Variants in SLC35A3 observed in about 807,000 individuals in gnomAD.
SLC35A3 encodes solute carrier family 35 member A3.
A neutral mutation model predicts 39.0 loss-of-function variants in SLC35A3; 26 were observed. The observed-to-expected ratio is 0.67, with a 90% confidence interval of 0.49 to 0.92. The LOEUF (loss-of-function observed/expected upper bound fraction) is 0.92. Ranked by LOEUF, SLC35A3 falls within the 40% of genes least tolerant of loss-of-function variation. SLC35A3 has a pLI of 0.00. For synonymous variants in SLC35A3, 135 were observed against 133.1 expected, an observed-to-expected ratio of 1.01 and a Z score of -0.10; for missense variants, 299 against 371.6, an observed-to-expected ratio of 0.80 and a Z score of 1.61.
chr1:99,988,329 T>C (rs1657869463), intron 1 of SLC35A3, among the ~76,000 whole-genome samples: 1 of 152,186 alleles, frequency 6.6e-6, no homozygotes, highest in South Asian at 2.1e-4. Flanking sequence ...AGTATGTTTT[T>C]TACTTTTTTT....
At chr1:99,990,323 C>A (rs1035916066) in intron 1 of SLC35A3, among the ~76,000 whole-genome samples, 1 of 151,996 alleles carries the variant, frequency 6.6e-6, no homozygotes, top group Non-Finnish European at 1.5e-5. Context: ...AGCCTGTAAT[C>A]CCAGAACTTT....
At position 100,035,604 on chromosome 1, in the gene SLC35A3, C is replaced by T. The variant is rs544003930; in HGVS notation, c.*13128C>T. 1 of 152,204 alleles carries T rather than the reference C, an allele frequency of 6.6e-6. No homozygotes were observed. Among genetic ancestry groups the T allele is most frequent in the Admixed American group, 6.5e-5 (1 of 15,282 alleles). 9.4% of individuals were successfully genotyped at this position (152,204 alleles called of 1,614,324 possible). A position where few individuals can be genotyped will look rare whatever the true frequency, so the allele number is the denominator to read the frequency against. Reference sequence around the variant, plus strand: ...ATAGTGTCTCATTTATTGATGTATCCCTGGCATCTAATAAAACACTGACAA... The same window carrying T: ...ATAGTGTCTCATTTATTGATGTATCTCTGGCATCTAATAAAACACTGACAA... On this transcript the variant is annotated 3_prime_UTR_variant, in exon 8 of 8. Coordinates refer to ENST00000533028, the MANE Select transcript of SLC35A3 (RefSeq NM_012243.3).
intron 5 of SLC35A3, among the ~76,000 whole-genome samples, chr1:100,012,855 G>C (rs956992945): frequency 6.6e-6 from 1 of 152,176 alleles, no homozygotes; most frequent in Non-Finnish European, 1.5e-5. Context: ...TAAATTATCA[G>C]TATAATACAT....
At chr1:100,014,507 C>T (rs1659917844) in intron 5 of SLC35A3, among the ~76,000 whole-genome samples, 2 of 152,166 alleles carry the variant, frequency 1.3e-5, no homozygotes, top group African/African-American at 4.8e-5. Context: ...CAGGCGTGAG[C>T]CACTGTGCCC....
At chr1:100,008,281 A>G (rs1434202741) in intron 4 of SLC35A3, 1 of 152,174 alleles carries the variant, frequency 6.6e-6, no homozygotes, top group African/African-American at 2.4e-5. Flanking sequence ...TTAAATGAGT[A>G]TTACAAAAGT....
chr1:99,977,040 A>G (rs1407718279), intron 1 of SLC35A3, among the ~76,000 whole-genome samples: 5 of 152,218 alleles, frequency 3.3e-5, no homozygotes, highest in Non-Finnish European at 7.3e-5. Flanking sequence ...CTCATTCTAT[A>G]TTGTTTCAGT....
In SLC35A3 at chr1:99,970,375, G is replaced by A. The variant is rs575373078; in HGVS notation, c.-19+213G>A. ...TGAGGTGACACGTTGTAACTCCGACGGACGACGTGCGGAATGTACTGGGTG... is the reference window on the plus strand; with the variant it reads ...TGAGGTGACACGTTGTAACTCCGACAGACGACGTGCGGAATGTACTGGGTG... On this transcript the variant is annotated intron_variant, in intron 1 of 7. Transcript: ENST00000533028. The A allele has an allele frequency of 4.5e-4, 268 of 596,816 alleles. 1 individual carries two copies. In the African/African-American group the frequency reaches 4.6e-3, roughly 10 times the overall value. The allele number at this position is 596,816 out of a possible 1,614,324, so 37.0% of individuals were successfully genotyped here. A position where few individuals can be genotyped will look rare whatever the true frequency, so the allele number is the denominator to read the frequency against.
At position 100,024,795 on chromosome 1, in the gene SLC35A3, A is replaced by G; in HGVS notation, c.*2319A>G. On this transcript the variant is annotated 3_prime_UTR_variant, in exon 8 of 8. Coordinates refer to ENST00000533028, the MANE Select transcript of SLC35A3 (RefSeq NM_012243.3). ...ACTGCGCCCGGCCTATACTGTATAT[A>G]TTTTTAAAGACTGTTCTAATAGATA... 5.1e-6 allele frequency: 2 copies of G among 394,916 alleles called. No homozygotes were observed. Among genetic ancestry groups the G allele is most frequent in the Admixed American group, 8.8e-5 (2 of 22,604 alleles). 24.5% of individuals were successfully genotyped at this position (394,916 alleles called of 1,614,324 possible).
At chr1:100,004,659 T>C (rs771974024) in intron 3 of SLC35A3, among the ~76,000 whole-genome samples, 1 of 152,102 alleles carries the variant, frequency 6.6e-6, no homozygotes, top group Non-Finnish European at 1.5e-5. Flanking sequence ...AAAGACTTTA[T>C]CTCTCATTTT....
intron 1 of SLC35A3, 99 bp from the exon 2 acceptor site, chr1:99,993,438 C>A (rs766460105): frequency 2.0e-5 from 18 of 885,188 alleles, no homozygotes; most frequent in Non-Finnish European, 2.5e-5. Flanking sequence ...GGAGGAGAGA[C>A]CTGCAGGCCC....
intron 5 of SLC35A3, among the ~76,000 whole-genome samples, 198 bp downstream of exon 5, chr1:100,011,731 TTTA>T (rs1659661993): frequency 8.3e-6 from 1 of 120,822 alleles, no homozygotes; most frequent in African/African-American, 2.7e-5. Flanking sequence ...TATTTATTTA[TTTA>T]TTTTTGACAG....
chr1:100,033,662 C>T lies in SLC35A3; in HGVS notation c.*11186C>T, dbSNP rs1661367674. The T allele has an allele frequency of 6.6e-6, 1 of 152,020 alleles. No homozygotes were observed. The highest frequency in any genetic ancestry group is 1.5e-5 in the Non-Finnish European group (1 of 67,996). 9.4% of individuals were successfully genotyped at this position (152,020 alleles called of 1,614,324 possible). ...TCTAGGCCTCTACTATTTAATTTGA[C>T]ACCTTTAAATGATGTTCTTTGACTC... is the stretch of plus-strand genomic sequence containing the variant. On this transcript the variant is annotated 3_prime_UTR_variant, in exon 8 of 8. Coordinates refer to ENST00000533028, the MANE Select transcript of SLC35A3 (RefSeq NM_012243.3).
At chr1:100,011,342 A>G in intron 4 of SLC35A3, 23 bp from the exon 5 acceptor site, 1 of 1,328,116 alleles carries the variant, frequency 7.5e-7, no homozygotes, top group African/African-American at 1.5e-5. Flanking sequence ...TTAAACTTCA[A>G]TTTTATTTTT....
intron 2 of SLC35A3, among the ~76,000 whole-genome samples, chr1:99,995,212 G>A (rs7531730): frequency 0.055 from 8,091 of 148,120 alleles, 328 homozygotes; most frequent in African/African-American, 0.098. Context: ...GAGTGCAGTG[G>A]CATGATCTTG....
intron 1 of SLC35A3, among the ~76,000 whole-genome samples, chr1:99,970,838 G>A (rs1389714804): frequency 6.6e-6 from 1 of 152,218 alleles, no homozygotes; most frequent in Non-Finnish European, 1.5e-5. Context: ...ATTTGGTGCA[G>A]TTTCTTACTT....
rs906911465 is a variant in SLC35A3 at position 100,031,866 on chromosome 1, T to TA, written c.*9391dup. 6 of 152,212 alleles carry TA rather than the reference T, an allele frequency of 3.9e-5. No homozygotes were observed. Among genetic ancestry groups the TA allele is most frequent in the Admixed American group, 2.0e-4 (3 of 15,274 alleles). The allele number at this position is 152,212 out of a possible 1,614,324, so 9.4% of individuals were successfully genotyped here. ...CACCTGCCCCTCAATGGCTTTTTTA[T>TA]ACCAAGAGACTGAAAATGCTACCTC... On this transcript the variant is annotated 3_prime_UTR_variant, in exon 8 of 8. Coordinates refer to ENST00000533028, the MANE Select transcript of SLC35A3 (RefSeq NM_012243.3).
rs757521726 is a variant in SLC35A3 at position 99,993,668 on chromosome 1, A to G, written c.114A>G (p.Leu38=). 2.2e-5 allele frequency: 36 copies of G among 1,613,940 alleles called. No homozygotes were observed. Among genetic ancestry groups the G allele is most frequent in the Non-Finnish European group, 2.9e-5 (34 of 1,179,966 alleles). Residue 38 remains leucine, a synonymous_variant, in exon 2 of 8, where the codon CTA becomes CTG. Transcript: ENST00000533028. ...TAAAAGAAGAAGGACCTCGTTATCTATCTTCTACAGCAGTGGTTGTTGCTG... is the reference window on the plus strand; with the variant it reads ...TAAAAGAAGAAGGACCTCGTTATCTGTCTTCTACAGCAGTGGTTGTTGCTG... ...RTLKEEGPRY[L]SSTAVVVAEL... is the part of the protein sequence containing the mutation.
Position 99,970,102 on chromosome 1 carries a change from G to C in SLC35A3, c.-79G>C, listed in dbSNP as rs1179091053. ...CCCAGCGGACTCGGCAGCCTGGGGC[G>C]CCCGGCGGAGCTGAACCGCGGCCCC... is the stretch of plus-strand genomic sequence containing the variant. On this transcript the variant is annotated 5_prime_UTR_variant, in exon 1 of 8. Coordinates refer to ENST00000533028, the MANE Select transcript of SLC35A3 (RefSeq NM_012243.3). 1 of 154,450 alleles carries C rather than the reference G, an allele frequency of 6.5e-6. No homozygotes were observed. Among genetic ancestry groups the C allele is most frequent in the Non-Finnish European group, 1.4e-5 (1 of 69,548 alleles). 9.6% of individuals were successfully genotyped at this position (154,450 alleles called of 1,614,324 possible).
chr1:100,016,563 C>T (rs1391705386), intron 6 of SLC35A3, among the ~76,000 whole-genome samples: 2 of 149,148 alleles, frequency 1.3e-5, no homozygotes, highest in Non-Finnish European at 3.0e-5. Context: ...TTAGTAGAGA[C>T]GGGGTTTCAC....
Sources: allele counts gnomAD v4.1 joint callset (sites outside exome capture counted in the v4.1 genomes callset), GRCh38; gene constraint gnomAD v4.1.1; transcripts MANE v1.5; gene names NCBI Gene and HGNC (gene_info 2026-07-23, HGNC 2026-07-21).